FAM240A: variants seen among roughly 807,000 people sequenced by gnomAD.
The protein encoded by FAM240A is protein FAM240A.
In FAM240A, 8 loss-of-function variants were observed where a neutral mutation model predicts 7.3. The observed-to-expected ratio is 1.09, with a 90% CI of 0.64 to 1.97. FAM240A has a LOEUF of 1.97. FAM240A is among the 30% of genes most tolerant of loss of function. FAM240A has a pLI of 0.00. For missense variants in FAM240A, 90 were observed against 102.2 expected (o/e 0.88, Z 0.52); for synonymous variants, 32 against 35.9 (o/e 0.89, Z 0.38).
Position 46,620,327 on chromosome 3 carries a change from C to G in FAM240A, c.161+2999C>G, listed in dbSNP as rs868253387. Among the ~76,000 whole-genome samples, 6 of 86,166 alleles carry G rather than the reference C, an allele frequency of 7.0e-5. No individual in the cohort carries two copies. The South Asian group carries it at 2.1e-3, about 30-fold the overall frequency. The allele number at this position is 86,166 out of a possible 152,430, so 56.5% of individuals were successfully genotyped here. On this transcript the variant is annotated intron_variant, in intron 2 of 2. Transcript: ENST00000640551. ...AGCCCCTCCCCCATGACTCCAGGCT[C>G]CAAACACAAGTGAAAAGGGATTGGT...
At chr3:46,625,077 A>G in intron 2 of FAM240A, 51 bp from the exon 3 acceptor site, 1 of 1,368,390 alleles carries the variant, frequency 7.3e-7, no homozygotes, top group Admixed American at 2.0e-5. Flanking sequence ...CTCCTGAACC[A>G]AGAGCCATGG....
rs1004225886 is a variant in FAM240A at position 46,620,285 on chromosome 3, T to C, written c.161+2957T>C. The stretch of plus-strand genomic sequence containing the variant: ...AGCAGTGACTTCATCTCTCCTGGAC[T>C]ACAGCTCCTGCTGCAGAGCCCCTCC... On this transcript the variant is annotated intron_variant, in intron 2 of 2. Coordinates refer to ENST00000640551, the MANE Select transcript of FAM240A (RefSeq NM_001195442.2). Among the ~76,000 whole-genome samples the C allele has an allele frequency of 2.7e-5, 4 of 149,508 alleles. No homozygotes were observed. In the South Asian group the frequency reaches 8.6e-4, roughly 32 times the overall value.
At chr3:46,614,166 C>A (rs1312603058) in intron 1 of FAM240A, among the ~76,000 whole-genome samples, 1 of 152,132 alleles carries the variant, frequency 6.6e-6, no homozygotes, top group Non-Finnish European at 1.5e-5. Flanking sequence ...TCAAGTGATC[C>A]TCCAGCCTCA....
rs898769701 is a variant in FAM240A, at chr3:46,618,874, T to C, written c.161+1546T>C. ...AAAAAGATATATATATATGTATATA[T>C]ATATATATACACACACACACACACA... On this transcript the variant is annotated intron_variant, in intron 2 of 2. Coordinates refer to ENST00000640551, the MANE Select transcript of FAM240A (RefSeq NM_001195442.2). Among the ~76,000 whole-genome samples, 254 of 40,104 alleles carry C rather than the reference T, an allele frequency of 6.3e-3. 1 individual carries two copies. The highest frequency in any genetic ancestry group is 0.03 in the African/African-American group (240 of 7,988). 26.3% of individuals were successfully genotyped at this position (40,104 alleles called of 152,430 possible).
chr3:46,617,465 A>T lies in FAM240A; in HGVS notation c.161+137A>T, dbSNP rs112176936. 193 of 627,944 alleles carry T rather than the reference A, an allele frequency of 3.1e-4. 1 individual carries two copies. The African/African-American group carries it at 3.3e-3, about 11-fold the overall frequency. 38.9% of individuals were successfully genotyped at this position (627,944 alleles called of 1,614,324 possible). ...CCCTGAGCCCCCACGCAATTGCCCC[A>T]CTGTCAACATCTGCACCAGTGGTAC... On this transcript the variant is annotated intron_variant, in intron 2 of 2. Transcript: ENST00000640551.
At chr3:46,623,479 G>A (rs574426009) in intron 2 of FAM240A, among the ~76,000 whole-genome samples, 13 of 152,228 alleles carry the variant, frequency 8.5e-5, no homozygotes, top group African/African-American at 3.1e-4. Flanking sequence ...TGAAAGACAG[G>A]TATTGAAATC....
rs920447174 is a variant in FAM240A at position 46,625,719 on chromosome 3, T to A, written c.*501T>A. On this transcript the variant is annotated 3_prime_UTR_variant, in exon 3 of 3. Coordinates refer to ENST00000640551, the MANE Select transcript of FAM240A (RefSeq NM_001195442.2). ...AATTATCAATAGTCAAAGTACAATT[T>A]GAAAATAAATTGATCTAATATTCTT... 1.3e-5 allele frequency: 2 copies of A among 152,172 alleles called. No homozygotes were observed. Among genetic ancestry groups the A allele is most frequent in the East Asian group, 3.8e-4 (2 of 5,208 alleles). 9.4% of individuals were successfully genotyped at this position (152,172 alleles called of 1,614,324 possible). A position where few individuals can be genotyped will look rare whatever the true frequency, so the allele number is the denominator to read the frequency against.
Position 46,617,319 on chromosome 3 carries a change from C to T in FAM240A, c.152C>T (p.Ala51Val). Reference protein sequence around the residue: ...ESEERRLGRSALRKLREEWKQ... With the variant: ...ESEERRLGRSVLRKLREEWKQ... Reference sequence around the variant, plus strand: ...GAGGAACGTCGTCTGGGAAGAAGCGCACTGAGAAAGTATGTGGCTTGTTTG... The same window carrying T: ...GAGGAACGTCGTCTGGGAAGAAGCGTACTGAGAAAGTATGTGGCTTGTTTG... The change falls in exon 2 of 3, where the codon GCA (alanine) becomes GTA (valine). Residue 51 changes from alanine (A) to valine (V), a missense_variant. By Grantham distance (64) the Ala-to-Val change is moderately conservative. Coordinates refer to ENST00000640551, the MANE Select transcript of FAM240A (RefSeq NM_001195442.2). The T allele has an allele frequency of 6.5e-7, 1 of 1,526,742 alleles. No homozygotes were observed. Among genetic ancestry groups the T allele is most frequent in the Non-Finnish European group, 8.7e-7 (1 of 1,143,722 alleles). The allele number at this position is 1,526,742 out of a possible 1,614,324, so 94.6% of individuals were successfully genotyped here.
rs537872707 is a variant in FAM240A at position 46,622,254 on chromosome 3, C to T, written c.162-2874C>T. Among the ~76,000 whole-genome samples, 523 of 151,468 alleles carry T rather than the reference C, an allele frequency of 3.5e-3. 4 individuals carry two copies. Among genetic ancestry groups the T allele is most frequent in the African/African-American group, 0.012 (478 of 41,324 alleles). On this transcript the variant is annotated intron_variant, in intron 2 of 2. Transcript: ENST00000640551. ...CCGAGTAACTGGGACTACAGGCGCC[C>T]GCCACCATGCCCAGCTAATTTTTTG... is the stretch of plus-strand genomic sequence containing the variant.
intron 1 of FAM240A, among the ~76,000 whole-genome samples, chr3:46,613,084 G>T (rs1275052911): frequency 6.6e-6 from 1 of 152,246 alleles, no homozygotes; most frequent in Non-Finnish European, 1.5e-5. Context: ...AAAGACAGAA[G>T]AAGCTTTTTA....
At position 46,617,207 on chromosome 3, in the gene FAM240A, C is replaced by T. The variant is rs181007264; in HGVS notation, c.40C>T (p.Arg14Trp). The T allele has an allele frequency of 3.0e-4, 462 of 1,533,800 alleles. No individual in the cohort carries two copies. Among genetic ancestry groups the T allele is most frequent in the Admixed American group, 2.7e-3 (138 of 50,612 alleles). Residue 14 changes from arginine to tryptophan, a missense_variant, in exon 2 of 3, where the codon CGG (arginine) becomes TGG (tryptophan). Physicochemically the swap from Arg to Trp is moderately radical, Grantham distance 101. Coordinates refer to ENST00000640551, the MANE Select transcript of FAM240A (RefSeq NM_001195442.2). ...FSGMNNQYTR[R>W]EVFCRNTCHD... is the part of the protein sequence containing the mutation. Reference sequence around the variant, plus strand: ...GGGGATGAACAATCAATACACCCGTCGGGAGGTCTTCTGCCGGAACACCTG... The same window carrying T: ...GGGGATGAACAATCAATACACCCGTTGGGAGGTCTTCTGCCGGAACACCTG...
intron 2 of FAM240A, among the ~76,000 whole-genome samples, chr3:46,619,878 G>C (rs1178542792): frequency 6.6e-6 from 1 of 152,138 alleles, no homozygotes; most frequent in East Asian, 1.9e-4. Flanking sequence ...TTGTGGAATG[G>C]AGAAACCACC....
chr3:46,625,174 C>A lies in FAM240A; in HGVS notation c.208C>A (p.Arg70=). The change falls in exon 3 of 3, where the codon CGG becomes AGG. Residue 70 remains arginine (R), a synonymous_variant. Coordinates refer to ENST00000640551, the MANE Select transcript of FAM240A (RefSeq NM_001195442.2). ...KQRLETKLRL[R]NNPEDTEKRT... ...GAGGCTGGAAACAAAGCTGAGGCTG[C>A]GGAACAATCCAGAGGACACTGAAAA... 2 of 1,533,882 alleles carry A rather than the reference C, an allele frequency of 1.3e-6. No homozygotes were observed. Among genetic ancestry groups the A allele is most frequent in the South Asian group, 1.2e-5 (1 of 83,814 alleles).
At chr3:46,620,282 G>T (rs753309636) in intron 2 of FAM240A, among the ~76,000 whole-genome samples, 9 of 150,100 alleles carry the variant, frequency 6.0e-5, no homozygotes, top group Non-Finnish European at 1.0e-4. Context: ...ATCTCTCCTG[G>T]ACTACAGCTC....
intron 1 of FAM240A, among the ~76,000 whole-genome samples, chr3:46,616,340 A>AT (rs912001567): frequency 9.3e-5 from 14 of 151,288 alleles, no homozygotes; most frequent in Admixed American, 2.0e-4. Context: ...TTCAGCTTCT[A>AT]TTTTTTTTTA....
intron 1 of FAM240A, among the ~76,000 whole-genome samples, chr3:46,612,983 C>T (rs1039867030): frequency 2.6e-5 from 4 of 152,196 alleles, no homozygotes; most frequent in Non-Finnish European, 5.9e-5. Flanking sequence ...CACGGAAACA[C>T]GTTACCTGTG....
chr3:46,613,802 C>T (rs1419236602), intron 1 of FAM240A, among the ~76,000 whole-genome samples: 3 of 152,204 alleles, frequency 2.0e-5, no homozygotes, highest in Admixed American at 6.5e-5. Flanking sequence ...GTGCCTATCA[C>T]GTGAAGTGCC....
intron 1 of FAM240A, among the ~76,000 whole-genome samples, chr3:46,615,585 T>C (rs1302076423): frequency 6.6e-6 from 1 of 152,120 alleles, no homozygotes; most frequent in Non-Finnish European, 1.5e-5. Context: ...GGACCCACCA[T>C]TTCCCCACTG....
At chr3:46,624,261 G>T (rs1459310531) in intron 2 of FAM240A, among the ~76,000 whole-genome samples, 1 of 122,880 alleles carries the variant, frequency 8.1e-6, no homozygotes, top group East Asian at 2.3e-4. Context: ...TCAACGGTGG[G>T]CTATTTTTTT....
Sources: allele counts gnomAD v4.1 joint callset (sites outside exome capture counted in the v4.1 genomes callset), GRCh38; gene constraint gnomAD v4.1.1; transcripts MANE v1.5; gene names NCBI Gene and HGNC (gene_info 2026-07-23, HGNC 2026-07-21).